FAM117A: variants seen among roughly 807,000 people sequenced by gnomAD.
The protein encoded by FAM117A is family with sequence similarity 117 member A.
FAM117A carries 21 observed loss-of-function variants against 44.1 expected under a neutral mutation model. The ratio of observed to expected loss-of-function variants is 0.48; its 90% CI spans 0.34 to 0.69. FAM117A has a LOEUF of 0.69. FAM117A is among the 30% of genes least tolerant of loss of function. The probability of loss-of-function intolerance (pLI) is 0.01; values close to 1 mark genes in which losing one functional copy is unlikely to be tolerated. For synonymous variants in FAM117A, 220 were observed against 238.3 expected (o/e 0.92, Z 0.71); for missense variants, 498 against 589.9 (o/e 0.84, Z 1.61).
chr17:49,745,197 T>G (rs1368949698), intron 1 of FAM117A, among the ~76,000 whole-genome samples: 5 of 152,184 alleles, frequency 3.3e-5, no homozygotes, highest in African/African-American at 7.2e-5. Context: ...GTTGACAGAA[T>G]TTGATGGCCC....
At chr17:49,717,750 A>G (rs761089718) in intron 5 of FAM117A, 36 bp from the exon 6 acceptor site, 4 of 1,538,174 alleles carry the variant, frequency 2.6e-6, no homozygotes, top group Non-Finnish European at 3.5e-6. Context: ...GTCAGCCCTG[A>G]GTATTTCAGG....
At position 49,711,432 on chromosome 17, in the gene FAM117A, G is replaced by C. The variant is rs377500028; in HGVS notation, c.1185C>G (p.Gly395=). ...NLMKPLFPGM[G]FIFRNCPSNP... ...TTGAGGGGCAGTTACGGAAGATGAA[G>C]CCCATGCCGGGGAAGAGGGGCTTCA... is the stretch of plus-strand genomic sequence containing the variant. Residue 395 remains glycine, a synonymous_variant, in exon 8 of 8, where the codon GGC becomes GGG. Coordinates refer to ENST00000240364, the MANE Select transcript of FAM117A (RefSeq NM_030802.4). 249 of 1,613,812 alleles carry C rather than the reference G, an allele frequency of 1.5e-4. No individual in the cohort carries two copies. Among genetic ancestry groups the C allele is most frequent in the Non-Finnish European group, 1.9e-4 (219 of 1,180,008 alleles).
chr17:49,722,420 T>C (rs1307545932), intron 3 of FAM117A, 79 bp downstream of exon 3: 4 of 1,170,758 alleles, frequency 3.4e-6, no homozygotes, highest in African/African-American at 1.5e-5. Flanking sequence ...GACGCCACCA[T>C]GGAGCAGATG....
intron 1 of FAM117A, among the ~76,000 whole-genome samples, chr17:49,774,095 G>C (rs1010058890): frequency 3.9e-5 from 6 of 152,142 alleles, no homozygotes; most frequent in African/African-American, 1.4e-4. Context: ...TTTAAATATG[G>C]TTGTCTTTTC....
intron 2 of FAM117A, among the ~76,000 whole-genome samples, chr17:49,726,295 C>G (rs2143719277): frequency 6.6e-6 from 1 of 152,258 alleles, no homozygotes; most frequent in South Asian, 2.1e-4. Context: ...TCACTGAAAC[C>G]TCCGCCTCAC....
intron 1 of FAM117A, among the ~76,000 whole-genome samples, chr17:49,752,265 T>C (rs190791281): frequency 9.4e-4 from 143 of 152,280 alleles, no homozygotes; most frequent in Middle Eastern, 3.4e-3. Context: ...CACATGCCTG[T>C]CTCGGAAGAG....
intron 3 of FAM117A, among the ~76,000 whole-genome samples, chr17:49,720,862 C>G (rs1016826231): frequency 6.6e-6 from 1 of 151,874 alleles, no homozygotes. Context: ...TTACAGGCAC[C>G]CACCATCACC....
intron 3 of FAM117A, among the ~76,000 whole-genome samples, chr17:49,721,491 T>C (rs760885578): frequency 9.9e-5 from 15 of 152,212 alleles, no homozygotes; most frequent in Non-Finnish European, 1.6e-4. Context: ...CATTGAAAAG[T>C]TTAAATATTT....
chr17:49,735,346 C>T (rs940270745), intron 1 of FAM117A, among the ~76,000 whole-genome samples: 5 of 151,612 alleles, frequency 3.3e-5, no homozygotes, highest in Non-Finnish European at 5.9e-5. Context: ...GGTGAGATCA[C>T]GCCACTGCAC....
chr17:49,766,174 G>A (rs1326027885), upstream of FAM117A, among the ~76,000 whole-genome samples: 1 of 152,152 alleles, frequency 6.6e-6, no homozygotes, highest in Non-Finnish European at 1.5e-5. Flanking sequence ...ACAGTAACAT[G>A]CCCAAGATTA....
intron 1 of FAM117A, among the ~76,000 whole-genome samples, chr17:49,785,457 G>C (rs1266076963): frequency 6.6e-6 from 1 of 152,192 alleles, no homozygotes; most frequent in African/African-American, 2.4e-5. Context: ...GTTGCAGTGA[G>C]CTATGATTGT....
At chr17:49,788,793 G>A (rs746006888), upstream of FAM117A, 106 of 1,567,478 alleles carry the variant, frequency 6.8e-5, no homozygotes, top group Non-Finnish European at 8.8e-5. Flanking sequence ...TGCTGCTGCC[G>A]CCGCTGCCCG....
At chr17:49,782,992 C>G (rs1051240433) in intron 1 of FAM117A, among the ~76,000 whole-genome samples, 14 of 152,278 alleles carry the variant, frequency 9.2e-5, no homozygotes, top group African/African-American at 3.1e-4. Flanking sequence ...AATGTCTCAG[C>G]CCATGGTGAC....
At chr17:49,729,292 T>A (rs76500437) in intron 2 of FAM117A, among the ~76,000 whole-genome samples, 7,455 of 152,046 alleles carry the variant, frequency 0.049, 196 homozygotes, top group Middle Eastern at 0.078. Flanking sequence ...TTGCAAGGCA[T>A]GCCCTGGGAA....
At chr17:49,747,554 G>A (rs968602511) in intron 1 of FAM117A, among the ~76,000 whole-genome samples, 4 of 152,182 alleles carry the variant, frequency 2.6e-5, no homozygotes, top group Non-Finnish European at 5.9e-5. Flanking sequence ...GATCCTAGTA[G>A]AGTTGTTCTT....
intron 1 of FAM117A, among the ~76,000 whole-genome samples, chr17:49,740,741 G>A (rs116537432): frequency 6.0e-4 from 91 of 152,318 alleles, no homozygotes; most frequent in African/African-American, 2.1e-3. Context: ...CCACCAATTT[G>A]TCTCTGCTAT....
intron 7 of FAM117A, among the ~76,000 whole-genome samples, chr17:49,712,604 C>T (rs1279989393): frequency 1.3e-5 from 2 of 151,994 alleles, no homozygotes; most frequent in Non-Finnish European, 2.9e-5. Flanking sequence ...TCGACCTCCC[C>T]GGTCCAAGCA....
chr17:49,782,471 C>T (rs1325454446), intron 1 of FAM117A, among the ~76,000 whole-genome samples: 2 of 149,226 alleles, frequency 1.3e-5, no homozygotes, highest in Non-Finnish European at 3.0e-5. Flanking sequence ...GGGTAGATCA[C>T]TTGAGACCAC....
At chr17:49,748,702 G>A (rs1164617283) in intron 1 of FAM117A, among the ~76,000 whole-genome samples, 1 of 152,154 alleles carries the variant, frequency 6.6e-6, no homozygotes, top group South Asian at 2.1e-4. Context: ...TTCAGATAAA[G>A]GATGCACTCT....
Sources: gnomAD v4.1 joint callset for allele counts (sites outside exome capture counted in the v4.1 genomes callset) on GRCh38, gnomAD v4.1.1 for gene constraint, MANE v1.5 for transcripts, NCBI Gene and HGNC (gene_info 2026-07-23, HGNC 2026-07-21) for gene names.